GGA2: variants seen among roughly 807,000 people sequenced by gnomAD.
GGA2 encodes golgi associated, gamma adaptin ear containing, ARF binding protein 2, also known as ADP-ribosylation factor-binding protein GGA2.
Under a neutral mutation model 79.5 loss-of-function variants are expected in GGA2, and 48 were observed. The observed-to-expected ratio is 0.60, with a 90% CI of 0.48 to 0.77. The LOEUF is 0.77. Ranked by LOEUF, GGA2 falls within the 30% of genes least tolerant of loss-of-function variation. GGA2 has a pLI of 0.00. For synonymous variants in GGA2, 317 were observed against 302.0 expected, an observed-to-expected ratio of 1.05 and a Z score of -0.51; for missense variants, 770 against 774.0, an observed-to-expected ratio of 0.99 and a Z score of 0.06.
intron 1 of GGA2, among the ~76,000 whole-genome samples, chr16:23,510,086 G>A (rs1428700161): frequency 3.3e-5 from 5 of 149,780 alleles, no homozygotes; most frequent in African/African-American, 7.4e-5. Context: ...CTAAGTTGGG[G>A]GGTGGGCGGA....
At position 23,479,865 on chromosome 16, in the gene GGA2, G is replaced by A. The variant is rs1439155557; in HGVS notation, c.1029C>T (p.Cys343=). The change falls in exon 11 of 17, where the codon TGC becomes TGT. Residue 343 remains cysteine, a synonymous_variant. Transcript: ENST00000309859. ...AGTCAATCAGGGGGCAGGTCTTCAT[G>A]CAGCCTGCTGGATTCTGAAAGACTA... ...VSRVFQNPAG[C]MKTCPLIDLE... The A allele has an allele frequency of 6.2e-7, 1 of 1,613,942 alleles. No homozygotes were observed. The highest frequency in any genetic ancestry group is 8.5e-7 in the Non-Finnish European group (1 of 1,179,922).
At chr16:23,470,266 T>G in intron 14 of GGA2, 101 bp from the exon 15 acceptor site, 1 of 847,684 alleles carries the variant, frequency 1.2e-6, no homozygotes, top group Non-Finnish European at 1.8e-6. Context: ...TGCTGTTGCT[T>G]CTCCATGCAG....
intron 8 of GGA2, among the ~76,000 whole-genome samples, chr16:23,483,311 A>T (rs1964672519): frequency 6.6e-6 from 1 of 152,256 alleles, no homozygotes; most frequent in Non-Finnish European, 1.5e-5. Flanking sequence ...GTTCAAGACC[A>T]GCCTGGCCAA....
At chr16:23,471,512 T>C (rs1319575703) in intron 14 of GGA2, among the ~76,000 whole-genome samples, 5 of 152,064 alleles carry the variant, frequency 3.3e-5, no homozygotes, top group African/African-American at 1.2e-4. Context: ...TAACATAACA[T>C]ATCCTTCAAA....
intron 1 of GGA2, among the ~76,000 whole-genome samples, chr16:23,507,020 CAT>C (rs1317995970): frequency 1.3e-5 from 2 of 152,230 alleles, no homozygotes; most frequent in Non-Finnish European, 2.9e-5. Context: ...GAGGGGCTCA[CAT>C]GTCCCCCTCT....
In GGA2 at chr16:23,478,302, T is replaced by C. The variant is rs550308735; in HGVS notation, c.1292+66A>G. 102 of 1,335,866 alleles carry C rather than the reference T, an allele frequency of 7.6e-5. 1 individual carries two copies. The African/African-American group carries it at 1.4e-3, about 19-fold the overall frequency. 82.8% of individuals were successfully genotyped at this position (1,335,866 alleles called of 1,614,324 possible). ...TCTTAGAGCACCATTCTCTGGCCCT[T>C]GTCCCATGAGAAGGAACCGCACTCA... On this transcript the variant is annotated intron_variant, in intron 13 of 16. Coordinates refer to ENST00000309859, the MANE Select transcript of GGA2 (RefSeq NM_015044.4).
chr16:23,478,646 G>T, intron 12 of GGA2, 145 bp from the exon 13 acceptor site: 1 of 834,276 alleles, frequency 1.2e-6, no homozygotes, highest in Non-Finnish European at 2.0e-6. Context: ...GGAAAGAAAG[G>T]GCAAGATCAC....
chr16:23,510,453 T>G lies in GGA2; in HGVS notation c.-42A>C. ...CTGCGGCCGCGGGCGCCACTGCCTCTTCAGCCGCTGTAGCGTCCTGGCGCT... is the reference window on the plus strand; with the variant it reads ...CTGCGGCCGCGGGCGCCACTGCCTCGTCAGCCGCTGTAGCGTCCTGGCGCT... On this transcript the variant is annotated 5_prime_UTR_variant, in exon 1 of 17. Transcript: ENST00000309859. 1.3e-6 allele frequency: 1 copy of G among 780,666 alleles called. No homozygotes were observed. Among genetic ancestry groups the G allele is most frequent in the Non-Finnish European group, 1.8e-6 (1 of 560,060 alleles). 48.4% of individuals were successfully genotyped at this position (780,666 alleles called of 1,614,324 possible). A position where few individuals can be genotyped will look rare whatever the true frequency, so the allele number is the denominator to read the frequency against.
At chr16:23,503,256 T>C (rs1238422995) in intron 1 of GGA2, among the ~76,000 whole-genome samples, 1 of 152,244 alleles carries the variant, frequency 6.6e-6, no homozygotes, top group African/African-American at 2.4e-5. Flanking sequence ...TTGAATATTT[T>C]CATGTATTGA....
At chr16:23,478,524 A>G in intron 12 of GGA2, 23 bp from the exon 13 acceptor site, 1 of 1,601,996 alleles carries the variant, frequency 6.2e-7, no homozygotes. Flanking sequence ...GAATGGCTAA[A>G]ATAAGACCAG....
rs1045236316 is a variant in GGA2 at position 23,467,454 on chromosome 16, C to G, written c.*136G>C. The G allele has an allele frequency of 5.4e-6, 3 of 559,432 alleles. No homozygotes were observed. In the African/African-American group the frequency reaches 6.6e-5, roughly 12 times the overall value. The allele number at this position is 559,432 out of a possible 1,614,324, so 34.7% of individuals were successfully genotyped here. A position where few individuals can be genotyped will look rare whatever the true frequency, so the allele number is the denominator to read the frequency against. On this transcript the variant is annotated 3_prime_UTR_variant, in exon 17 of 17. Coordinates refer to ENST00000309859, the MANE Select transcript of GGA2 (RefSeq NM_015044.4). ...CACACAGAGCATCTGCAGAATAAGT[C>G]AGAGGTTGACACCCAGAGCCTGACG...
At chr16:23,494,237 A>G in intron 3 of GGA2, 66 bp downstream of exon 3, 1 of 1,033,496 alleles carries the variant, frequency 9.7e-7, no homozygotes, top group South Asian at 1.3e-5. Context: ...GTGGAAGCAA[A>G]GCGCCTCTCG....
At chr16:23,521,802 A>G (rs1463599625) in exon 1 of GGA2, 1 of 454,904 alleles carries the variant, frequency 2.2e-6, no homozygotes, top group Non-Finnish European at 4.4e-6. Context: ...CTTGACCATG[A>G]GCCAAGAAGC....
intron 1 of GGA2, among the ~76,000 whole-genome samples, chr16:23,497,039 C>CTTGAGGCTAA (rs59785925): frequency 6.7e-6 from 1 of 150,292 alleles, no homozygotes; most frequent in Non-Finnish European, 1.5e-5. Context: ...GGAAAGACTG[C>CTTGAGGCTAA]GGCTGCAGTG....
intron 1 of GGA2, among the ~76,000 whole-genome samples, chr16:23,506,252 A>G (rs2142143920): frequency 6.6e-6 from 1 of 152,234 alleles, no homozygotes; most frequent in South Asian, 2.1e-4. Context: ...TGTCTTGGCC[A>G]TACTATCAAT....
Position 23,479,367 on chromosome 16 carries a change from C to T in GGA2, c.1129+398G>A, listed in dbSNP as rs372659406. ...GGGAACCAGCTCACTCCCCTACTCA[C>T]ACCCATCCCGATTCCCTCAGCAGCA... On this transcript the variant is annotated intron_variant, in intron 11 of 16. Coordinates refer to ENST00000309859, the MANE Select transcript of GGA2 (RefSeq NM_015044.4). Among the ~76,000 whole-genome samples the T allele has an allele frequency of 8.7e-5, 13 of 149,926 alleles. No individual in the cohort carries two copies. The East Asian group carries it at 2.2e-3, about 25-fold the overall frequency.
At chr16:23,469,703 C>G in intron 15 of GGA2, 1 of 211,864 alleles carries the variant, frequency 4.7e-6, no homozygotes, top group Non-Finnish European at 9.4e-6. Context: ...AACCCTGGAG[C>G]TGTGGGTAGC....
intron 9 of GGA2, 140 bp from the exon 10 acceptor site, chr16:23,480,910 A>G: frequency 1.3e-6 from 1 of 755,960 alleles, no homozygotes; most frequent in East Asian, 2.5e-5. Flanking sequence ...AGGTTGTGTC[A>G]TCGGACCCTA....
At chr16:23,475,793 G>A (rs1346582061) in intron 13 of GGA2, among the ~76,000 whole-genome samples, 2 of 151,894 alleles carry the variant, frequency 1.3e-5, no homozygotes, top group African/African-American at 4.8e-5. Flanking sequence ...GCCAGGTGGT[G>A]GTGGCACACG....
Sources: allele counts gnomAD v4.1 joint callset (sites outside exome capture counted in the v4.1 genomes callset), GRCh38; gene constraint gnomAD v4.1.1; transcripts MANE v1.5; gene names NCBI Gene and HGNC (gene_info 2026-07-23, HGNC 2026-07-21).